The following PALM2AKAP2 variants were observed in gnomAD, a reference collection of about 807,000 sequenced individuals.
PALM2AKAP2 encodes the protein PALM2-AKAP2 fusion protein.
In PALM2AKAP2, 37 loss-of-function variants were observed where a neutral mutation model predicts 71.5. The observed-to-expected ratio is 0.52, with a 90% CI of 0.40 to 0.68. PALM2AKAP2 has a LOEUF of 0.68. PALM2AKAP2 is among the 30% of genes least tolerant of loss of function. The pLI is 0.00. For missense variants in PALM2AKAP2, 1,224 were observed against 1,191.8 expected (o/e 1.03, Z -0.40); for synonymous variants, 468 against 478.8 (o/e 0.98, Z 0.29).
At chr9:109,716,736 G>A (rs1828326747) in intron 1 of PALM2AKAP2, among the ~76,000 whole-genome samples, 1 of 152,156 alleles carries the variant, frequency 6.6e-6, no homozygotes, top group Non-Finnish European at 1.5e-5. Context: ...AAAAACAGAA[G>A]CAATTACAGG....
At chr9:109,697,158 C>A (rs1827984031) in intron 1 of PALM2AKAP2, among the ~76,000 whole-genome samples, 1 of 151,894 alleles carries the variant, frequency 6.6e-6, no homozygotes, top group African/African-American at 2.4e-5. Context: ...TGACAGTATT[C>A]CATATAATGG....
intron 3 of PALM2AKAP2, among the ~76,000 whole-genome samples, chr9:110,167,063 A>T (rs1242479526): frequency 6.6e-6 from 1 of 152,166 alleles, no homozygotes; most frequent in African/African-American, 2.4e-5. Context: ...GTGCAGGGGA[A>T]CTGCCCTTTA....
intron 3 of PALM2AKAP2, 36 bp downstream of exon 10, chr9:110,162,168 T>A (rs1447613935): frequency 6.2e-7 from 1 of 1,611,710 alleles, no homozygotes; most frequent in African/African-American, 1.3e-5. Context: ...TCTTACTGAA[T>A]GCATGATCCA....
rs142086233 is a variant in PALM2AKAP2 at position 109,909,879 on chromosome 9, G to T, written c.258-13856G>T. On this transcript the variant is annotated intron_variant, in intron 3 of 9. Transcript: ENST00000302798. ...TCTTCATTTCTGCAGGTAAATGAGA[G>T]GCTGGGAGTGTGTCATATCCATGAG... Among the ~76,000 whole-genome samples the T allele has an allele frequency of 2.0e-5, 3 of 152,278 alleles. No individual in the cohort carries two copies. In the East Asian group the frequency reaches 5.8e-4, roughly 29 times the overall value.
At chr9:109,703,192 T>C (rs1198557114) in intron 1 of PALM2AKAP2, among the ~76,000 whole-genome samples, 17 of 152,230 alleles carry the variant, frequency 1.1e-4, no homozygotes, top group Admixed American at 9.8e-4. Flanking sequence ...ATATATAACT[T>C]GGAGTTGTCT....
chr9:109,647,217 T>C (rs1016560759), intron 1 of PALM2AKAP2, among the ~76,000 whole-genome samples: 2 of 152,336 alleles, frequency 1.3e-5, no homozygotes, highest in Non-Finnish European at 2.9e-5. Context: ...ATATTCTACA[T>C]ACTTTTTCTT....
At chr9:110,097,282 TC>T (rs1359695711) in intron 1 of PALM2AKAP2, among the ~76,000 whole-genome samples, 1 of 149,192 alleles carries the variant, frequency 6.7e-6, no homozygotes, top group Non-Finnish European at 1.5e-5. Flanking sequence ...AGGTCACAGA[TC>T]AACAGGATCC....
chr9:109,769,591 A>T (rs1195282391), intron 1 of PALM2AKAP2, among the ~76,000 whole-genome samples: 1 of 152,136 alleles, frequency 6.6e-6, no homozygotes, highest in Non-Finnish European at 1.5e-5. Context: ...AAGTAAAATG[A>T]CTTCACCCAA....
intron 1 of PALM2AKAP2, among the ~76,000 whole-genome samples, chr9:109,729,018 A>G (rs1828515345): frequency 6.6e-6 from 1 of 152,098 alleles, no homozygotes; most frequent in South Asian, 2.1e-4. Context: ...TCCTGATGAG[A>G]TTTATTTTGG....
At chr9:109,671,657 A>T (rs183190277) in intron 1 of PALM2AKAP2, among the ~76,000 whole-genome samples, 1 of 152,264 alleles carries the variant, frequency 6.6e-6, no homozygotes, top group Non-Finnish European at 1.5e-5. Flanking sequence ...TAATAGGAAT[A>T]ACATTGAATC....
chr9:109,960,084 C>T (rs77012787), intron 6 of PALM2AKAP2, among the ~76,000 whole-genome samples: 7,589 of 152,284 alleles, frequency 0.05, 315 homozygotes, highest in Admixed American at 0.11. Context: ...TGATTCCCAA[C>T]ATAAATTTTT....
At chr9:109,841,377 TA>T (rs1828667133) in intron 1 of PALM2AKAP2, among the ~76,000 whole-genome samples, 1 of 120,284 alleles carries the variant, frequency 8.3e-6, no homozygotes, top group East Asian at 2.3e-4. Context: ...GGGGTGGGGG[TA>T]GGGGGGAGGG....
chr9:110,072,741 G>A (rs752985226), intron 1 of PALM2AKAP2, among the ~76,000 whole-genome samples: 2 of 152,090 alleles, frequency 1.3e-5, no homozygotes, highest in Non-Finnish European at 2.9e-5. Context: ...AAATGCAGCC[G>A]CATGCCCACA....
chr9:109,987,102 C>T (rs538530599), intron 6 of PALM2AKAP2, among the ~76,000 whole-genome samples: 23 of 152,084 alleles, frequency 1.5e-4, no homozygotes, highest in African/African-American at 4.6e-4. Context: ...TGCACCTACC[C>T]GTTATGTTCT....
intron 7 of PALM2AKAP2, among the ~76,000 whole-genome samples, chr9:110,018,215 A>G (rs1833015877): frequency 6.6e-6 from 1 of 152,196 alleles, no homozygotes; most frequent in Admixed American, 6.6e-5. Flanking sequence ...TTCTCACAAG[A>G]AAAGATTTCT....
intron 6 of PALM2AKAP2, among the ~76,000 whole-genome samples, chr9:109,976,938 A>G (rs1832182270): frequency 6.6e-6 from 1 of 152,136 alleles, no homozygotes; most frequent in African/African-American, 2.4e-5. Context: ...GCAAAACCCA[A>G]AAACTTGGTG....
intron 1 of PALM2AKAP2, among the ~76,000 whole-genome samples, chr9:110,134,847 A>G (rs117301150): frequency 0.019 from 2,882 of 152,186 alleles, 39 homozygotes; most frequent in Non-Finnish European, 0.029. Flanking sequence ...AACAAAGCCA[A>G]CCTAGGTGTT....
At chr9:110,088,754 C>T (rs1834637972) in intron 1 of PALM2AKAP2, among the ~76,000 whole-genome samples, 2 of 119,192 alleles carry the variant, frequency 1.7e-5, no homozygotes, top group African/African-American at 6.0e-5. Flanking sequence ...GAGTGTCACT[C>T]TGTCGCCCAG....
chr9:109,799,559 C>A (rs1827360196), intron 1 of PALM2AKAP2, among the ~76,000 whole-genome samples: 1 of 152,134 alleles, frequency 6.6e-6, no homozygotes, highest in Non-Finnish European at 1.5e-5. Flanking sequence ...AGTGGCACGA[C>A]CATTACTCAC....
Sources: allele counts gnomAD v4.1 joint callset (sites outside exome capture counted in the v4.1 genomes callset), GRCh38; gene constraint gnomAD v4.1.1; transcripts MANE v1.5; gene names NCBI Gene and HGNC (gene_info 2026-07-23, HGNC 2026-07-21).